The following MYO16 variants were observed in gnomAD, a reference collection of about 807,000 sequenced individuals.
MYO16 encodes unconventional myosin-XVI.
Under a neutral mutation model 205.3 loss-of-function variants are expected in MYO16, and 94 were observed. The observed-to-expected ratio is 0.46, with a 90% confidence interval of 0.39 to 0.54. MYO16 has a LOEUF of 0.54. Among genes scored for constraint, MYO16 ranks in the 20% least tolerant of loss-of-function variants. The pLI is 0.00. For synonymous variants in MYO16, 988 were observed against 954.0 expected (o/e 1.04, Z -0.66); for missense variants, 2,315 against 2,387.5 (o/e 0.97, Z 0.63).
In MYO16 at chr13:108,981,552, C is replaced by T. The variant is rs565874775; in HGVS notation, c.2370-10824C>T. Among the ~76,000 whole-genome samples, 8 of 152,378 alleles carry T rather than the reference C, an allele frequency of 5.3e-5. No homozygotes were observed. In the East Asian group the frequency reaches 1.3e-3, roughly 26 times the overall value. On this transcript the variant is annotated intron_variant, in intron 20 of 34. Transcript: ENST00000457511. ...GAAGCCTTGCCTGATTCTGCTTCCT[C>T]TGACCCCTGTCACTGCCATGTGAAT...
the MYO16 span, among the ~76,000 whole-genome samples, chr13:108,541,828 T>G: frequency 6.6e-6 from 1 of 152,214 alleles, no homozygotes; most frequent in East Asian, 1.9e-4. Context: ...CTGGCGAGCT[T>G]GTGGAGAAAT....
At chr13:109,012,009 A>G (rs1885618598) in intron 22 of MYO16, among the ~76,000 whole-genome samples, 1 of 152,172 alleles carries the variant, frequency 6.6e-6, no homozygotes, top group Non-Finnish European at 1.5e-5. Context: ...CTTCCTGAGA[A>G]GAATTATTAT....
intron 32 of MYO16, among the ~76,000 whole-genome samples, chr13:109,143,386 T>A (rs1390122209): frequency 2.0e-5 from 3 of 152,188 alleles, no homozygotes; most frequent in Non-Finnish European, 4.4e-5. Flanking sequence ...TATAGGCCAT[T>A]AATAAATGAA....
chr13:109,028,398 GT>G (rs776614347), intron 23 of MYO16: 4 of 324,724 alleles, frequency 1.2e-5, no homozygotes, highest in East Asian at 2.1e-4. Context: ...GTAACATTTT[GT>G]TTTTCACAGA....
At chr13:108,750,203 C>G (rs987015657) in intron 4 of MYO16, among the ~76,000 whole-genome samples, 6 of 152,130 alleles carry the variant, frequency 3.9e-5, no homozygotes, top group African/African-American at 1.4e-4. Flanking sequence ...GACACCCTGC[C>G]TTTGTGAACA....
At chr13:108,762,191 T>C (rs1324378102) in intron 4 of MYO16, among the ~76,000 whole-genome samples, 1 of 152,206 alleles carries the variant, frequency 6.6e-6, no homozygotes, top group Admixed American at 6.5e-5. Context: ...TTTTTGTGGC[T>C]AAGTAGTATT....
the MYO16 span, among the ~76,000 whole-genome samples, chr13:108,572,155 G>T: frequency 6.6e-6 from 1 of 151,980 alleles, no homozygotes; most frequent in South Asian, 2.1e-4. Context: ...TCAAACTCCT[G>T]CCCTCAAGTG....
At position 109,002,584 on chromosome 13, in the gene MYO16, AC is replaced by A. The variant is rs559974318; in HGVS notation, c.2443-6310del. ...GAGCATTTATGAATACTCACCTTTC[AC>A]CCACATTCACGTCTACTCTGAGGAA... On this transcript the variant is annotated intron_variant, in intron 21 of 34. Transcript: ENST00000457511. 1.4e-4 allele frequency among the ~76,000 whole-genome samples: 21 copies of A among 152,214 alleles called. No homozygotes were observed. In the South Asian group the frequency reaches 4.2e-3, roughly 30 times the overall value.
At chr13:109,198,519 T>C (rs1333974983) in intron 34 of MYO16, among the ~76,000 whole-genome samples, 1 of 152,220 alleles carries the variant, frequency 6.6e-6, no homozygotes, top group Non-Finnish European at 1.5e-5. Flanking sequence ...TGTTGCTCAG[T>C]ATTTTCTGGG....
At chr13:108,857,900 C>T (rs1474837685) in intron 11 of MYO16, among the ~76,000 whole-genome samples, 1 of 152,122 alleles carries the variant, frequency 6.6e-6, no homozygotes, top group African/African-American at 2.4e-5. Flanking sequence ...CTCTGCTTTC[C>T]GAATGTTCAT....
intron 22 of MYO16, among the ~76,000 whole-genome samples, chr13:109,011,658 G>T (rs529591089): frequency 6.6e-6 from 1 of 152,016 alleles, no homozygotes; most frequent in South Asian, 2.1e-4. Context: ...GGAACTACAG[G>T]TGTGTGCCAC....
intron 33 of MYO16, among the ~76,000 whole-genome samples, chr13:109,178,291 C>A (rs992624496): frequency 6.6e-6 from 1 of 152,052 alleles, no homozygotes; most frequent in Non-Finnish European, 1.5e-5. Context: ...GCAAGAGACC[C>A]CCCCCACCCA....
At chr13:108,691,397 T>C (rs545922544) in intron 2 of MYO16, among the ~76,000 whole-genome samples, 3 of 152,060 alleles carry the variant, frequency 2.0e-5, no homozygotes, top group Non-Finnish European at 4.4e-5. Flanking sequence ...TAGGGGTGTG[T>C]GTCTGTGTGT....
chr13:108,946,303 T>G (rs11620318), intron 16 of MYO16, among the ~76,000 whole-genome samples: 20,134 of 151,212 alleles, frequency 0.13, 2,411 homozygotes, highest in African/African-American at 0.31. Flanking sequence ...AAAAAGGGGG[T>G]TTGACTTTTA....
intron 3 of MYO16, among the ~76,000 whole-genome samples, chr13:108,715,148 CGCTCT>C (rs1415993005): frequency 6.6e-6 from 1 of 152,204 alleles, no homozygotes; most frequent in Admixed American, 6.5e-5. Context: ...TTTCCCTCTG[CGCTCT>C]GCTCTGCTGA....
At chr13:108,972,243 CTCTCTCTATATA>C (rs1462850311) in intron 20 of MYO16, among the ~76,000 whole-genome samples, 4 of 11,510 alleles carry the variant, frequency 3.5e-4, no homozygotes, top group Non-Finnish European at 7.3e-4. Flanking sequence ...CTCTCTCTCT[CTCTCTCTATATA>C]TATATATATA....
chr13:108,746,809 T>A (rs1594260353), intron 4 of MYO16, among the ~76,000 whole-genome samples: 1 of 150,926 alleles, frequency 6.6e-6, no homozygotes, highest in South Asian at 2.2e-4. Flanking sequence ...AAGATAAACA[T>A]AAAAAACAAA....
rs1294557732 is a variant in MYO16 at position 109,022,351 on chromosome 13, T to TATAC, written c.2796+2443_2796+2444insCATA. 6.2e-3 allele frequency among the ~76,000 whole-genome samples: 686 copies of TATAC among 110,782 alleles called. 5 individuals carry two copies. The highest frequency in any genetic ancestry group is 8.9e-3 in the Non-Finnish European group (537 of 60,236). 72.7% of individuals were successfully genotyped at this position (110,782 alleles called of 152,430 possible). ...TATATATTTATATATTATATACAAATATATATGTATATATGTATGTATTAT... is the reference window on the plus strand; with the variant it reads ...TATATATTTATATATTATATACAAATATACATATATGTATATATGTATGTATTAT... On this transcript the variant is annotated intron_variant, in intron 23 of 34. Transcript: ENST00000457511.
chr13:108,621,680 C>T (rs143685691), intron 1 of MYO16, among the ~76,000 whole-genome samples: 63 of 152,148 alleles, frequency 4.1e-4, no homozygotes, highest in Non-Finnish European at 7.2e-4. Context: ...CTCTTGGCTG[C>T]GGTGTTAGGT....
Sources: gnomAD v4.1 joint callset for allele counts (sites outside exome capture counted in the v4.1 genomes callset) on GRCh38, gnomAD v4.1.1 for gene constraint, MANE v1.5 for transcripts, NCBI Gene and HGNC (gene_info 2026-07-23, HGNC 2026-07-21) for gene names.